The following CECR2 variants were observed in gnomAD, a reference collection of about 807,000 sequenced individuals.
CECR2 encodes chromatin remodeling regulator CECR2.
CECR2 carries 30 observed loss-of-function variants against 154.5 expected under a neutral mutation model. The observed-to-expected ratio is 0.19, with a 90% CI of 0.15 to 0.26. CECR2 has a LOEUF of 0.26. CECR2 is among the 10% of genes least tolerant of loss of function. CECR2 has a pLI of 1.00. For missense variants in CECR2, 1,743 were observed against 1,829.3 expected, an observed-to-expected ratio of 0.95 and a Z score of 0.86; for synonymous variants, 725 against 683.7, an observed-to-expected ratio of 1.06 and a Z score of -0.94.
chr22:17,391,285 G>A (rs1490193003), intron 1 of CECR2, among the ~76,000 whole-genome samples: 1 of 152,240 alleles, frequency 6.6e-6, no homozygotes, highest in Admixed American at 6.5e-5. Flanking sequence ...TTACACACTG[G>A]TTGGTTGGTA....
intron 1 of CECR2, among the ~76,000 whole-genome samples, chr22:17,361,507 C>G (rs1286526125): frequency 6.7e-6 from 1 of 150,276 alleles, no homozygotes; most frequent in Non-Finnish European, 1.5e-5. Context: ...CACCCCCCAC[C>G]CAAAAAAAAA....
chr22:17,373,863 T>G (rs570455822), intron 1 of CECR2, among the ~76,000 whole-genome samples: 74 of 152,252 alleles, frequency 4.9e-4, no homozygotes, highest in Non-Finnish European at 6.6e-4. Flanking sequence ...CCACTTCAGT[T>G]AAATCAAGTA....
intron 1 of CECR2, among the ~76,000 whole-genome samples, chr22:17,425,053 C>T (rs187142053): frequency 6.6e-6 from 1 of 152,152 alleles, no homozygotes; most frequent in East Asian, 1.9e-4. Flanking sequence ...TTGGCTTTTA[C>T]GTTAACTATG....
rs1364110119 is a variant in CECR2, at chr22:17,548,020, A to G, written c.2861-128A>G. On this transcript the variant is annotated intron_variant, in intron 16 of 18. Transcript: ENST00000262608. The stretch of plus-strand genomic sequence containing the variant: ...TGTCCTGCCCTCTTTCAGGGACTCA[A>G]ACAATTTCCAGGTGGGGCTTGAATC... 7 of 885,328 alleles carry G rather than the reference A, an allele frequency of 7.9e-6. No individual in the cohort carries two copies. In the Admixed American group the frequency reaches 8.7e-5, roughly 11 times the overall value. 54.8% of individuals were successfully genotyped at this position (885,328 alleles called of 1,614,324 possible).
chr22:17,467,266 C>T (rs2055048575), intron 1 of CECR2, among the ~76,000 whole-genome samples: 2 of 152,174 alleles, frequency 1.3e-5, no homozygotes, highest in Non-Finnish European at 2.9e-5. Context: ...TGATGATGGG[C>T]AGCATAATCC....
intron 2 of CECR2, among the ~76,000 whole-genome samples, chr22:17,490,383 T>C (rs1308824962): frequency 6.6e-6 from 1 of 152,162 alleles, no homozygotes; most frequent in East Asian, 1.9e-4. Flanking sequence ...CTCAGCTTTC[T>C]CATGCTTACT....
chr22:17,409,001 C>G (rs749841750), intron 1 of CECR2, among the ~76,000 whole-genome samples: 2 of 152,224 alleles, frequency 1.3e-5, no homozygotes, highest in Non-Finnish European at 2.9e-5. Context: ...CTCCATAGGG[C>G]CTTTGCACCT....
intron 1 of CECR2, among the ~76,000 whole-genome samples, chr22:17,453,669 C>T (rs1344407255): frequency 6.6e-6 from 1 of 152,136 alleles, no homozygotes; most frequent in African/African-American, 2.4e-5. Context: ...ACCAACATGA[C>T]TGGCACAAGA....
rs1284523067 is a variant in CECR2 at position 17,548,485 on chromosome 22, G to A, written c.3198G>A (p.Ser1066=). The change falls in exon 17 of 19, where the codon TCG becomes TCA. Residue 1066 remains serine, a synonymous_variant. Transcript: ENST00000262608. ...TTGGGGAAGCATCTCCTTGTGGATC[G>A]GAGGGGAAGGGCCTTGGTAGCAGTG... is the stretch of plus-strand genomic sequence containing the variant. The part of the protein sequence containing the change: ...GVIGEASPCG[S]EGKGLGSSGS... 1.1e-5 allele frequency: 17 copies of A among 1,613,782 alleles called. No homozygotes were observed. Among genetic ancestry groups the A allele is most frequent in the African/African-American group, 5.3e-5 (4 of 74,916 alleles).
chr22:17,428,937 G>A (rs1047909999), intron 1 of CECR2, among the ~76,000 whole-genome samples: 1 of 152,026 alleles, frequency 6.6e-6, no homozygotes, highest in African/African-American at 2.4e-5. Context: ...CAGGAGAGGG[G>A]TTGTGGAGCT....
rs752063272 is a variant in CECR2, at chr22:17,500,625, T to A, written c.546-6T>A. On this transcript the variant is annotated splice_region_variant and splice_polypyrimidine_tract_variant and intron_variant, in intron 4 of 18. Coordinates refer to ENST00000262608, the MANE Select transcript of CECR2 (RefSeq NM_001290047.2). ...CAGAACATTTCTATTTAATATTATTTATTAGGGAAAGTGAAGGACAAAAAA... is the reference window on the plus strand; with the variant it reads ...CAGAACATTTCTATTTAATATTATTAATTAGGGAAAGTGAAGGACAAAAAA... 72 of 1,525,556 alleles carry A rather than the reference T, an allele frequency of 4.7e-5. No homozygotes were observed. The highest frequency in any genetic ancestry group is 5.8e-5 in the Non-Finnish European group (66 of 1,128,926). The allele number at this position is 1,525,556 out of a possible 1,614,324, so 94.5% of individuals were successfully genotyped here.
chr22:17,444,857 A>G (rs1371938787), intron 1 of CECR2, among the ~76,000 whole-genome samples: 1 of 152,216 alleles, frequency 6.6e-6, no homozygotes, highest in African/African-American at 2.4e-5. Context: ...TGTTAATTAC[A>G]TCAGGATAGT....
rs140447882 is a variant in CECR2, at chr22:17,382,033, G to A, written c.126+12124G>A. On this transcript the variant is annotated intron_variant, in intron 1 of 18. Transcript: ENST00000262608. ...CTCCCTAGTAGCTGGGACTACAGGC[G>A]CCTGCCACCACGCCCTGCTAATTTT... 7.2e-3 allele frequency among the ~76,000 whole-genome samples: 1,066 copies of A among 148,794 alleles called. 4 individuals are homozygous for A. The highest frequency in any genetic ancestry group is 0.034 in the Middle Eastern group (10 of 290).
At chr22:17,426,736 A>G (rs1412477467) in intron 1 of CECR2, among the ~76,000 whole-genome samples, 1 of 152,156 alleles carries the variant, frequency 6.6e-6, no homozygotes, top group Non-Finnish European at 1.5e-5. Context: ...CTTTTTCTGT[A>G]GATTTTCCCA....
At position 17,542,424 on chromosome 22, in the gene CECR2, C is replaced by G; in HGVS notation, c.2281C>G (p.Arg761Gly). ...AGAAATTCCTCCCAGCCATATGTATCGATCGTACAAGTACCTGAATCGAGT... is the reference window on the plus strand; with the variant it reads ...AGAAATTCCTCCCAGCCATATGTATGGATCGTACAAGTACCTGAATCGAGT... ...SSEIPPSHMY[R>G]SYKYLNRVHS... The change falls in exon 16 of 19, where the codon CGA (arginine) becomes GGA (glycine). Residue 761 changes from arginine to glycine, a missense_variant. By Grantham distance (125) the Arg-to-Gly change is moderately radical. This residue lies in a region of CECR2 where 1,250 missense variants were observed against 1,192.1 expected (regional missense o/e 1.05). Transcript: ENST00000262608. 6.2e-7 allele frequency: 1 copy of G among 1,613,906 alleles called. No homozygotes were observed. The highest frequency in any genetic ancestry group is 8.5e-7 in the Non-Finnish European group (1 of 1,179,886).
At chr22:17,365,688 T>C (rs571254787), upstream of CECR2, among the ~76,000 whole-genome samples, 2 of 152,132 alleles carry the variant, frequency 1.3e-5, no homozygotes, top group South Asian at 4.1e-4. Context: ...AGATCAAGAC[T>C]GTCTCGGAAA....
intron 1 of CECR2, among the ~76,000 whole-genome samples, chr22:17,414,960 A>C (rs189317527): frequency 5.3e-5 from 8 of 152,308 alleles, no homozygotes; most frequent in African/African-American, 1.9e-4. Context: ...TGTGGTTTTT[A>C]AAGTGAGAAT....
Position 17,388,960 on chromosome 22 carries a change from A to G in CECR2, c.126+19051A>G, listed in dbSNP as rs1452916275. On this transcript the variant is annotated intron_variant, in intron 1 of 18. Transcript: ENST00000262608. Reference sequence around the variant, plus strand: ...CTCGAGTAGCTGGAACTACAGGCACACTCCACCATGCCCGGATAACTTTTG... The same window carrying G: ...CTCGAGTAGCTGGAACTACAGGCACGCTCCACCATGCCCGGATAACTTTTG... 3.3e-5 allele frequency among the ~76,000 whole-genome samples: 5 copies of G among 151,786 alleles called. No homozygotes were observed. The South Asian group carries it at 8.3e-4, about 25-fold the overall frequency.
At chr22:17,396,992 C>T (rs1569054689) in intron 1 of CECR2, among the ~76,000 whole-genome samples, 1 of 152,116 alleles carries the variant, frequency 6.6e-6, no homozygotes, top group Non-Finnish European at 1.5e-5. Flanking sequence ...GCAGTGTCAT[C>T]CCGAGGCAGT....
Sources: allele counts gnomAD v4.1 joint callset (sites outside exome capture counted in the v4.1 genomes callset), GRCh38; gene constraint gnomAD v4.1.1; regional missense constraint gnomAD v4.1.1; transcripts MANE v1.5; gene names NCBI Gene and HGNC (gene_info 2026-07-23, HGNC 2026-07-21).